The following RGS6 variants were observed in gnomAD, a reference collection of about 807,000 sequenced individuals.
The protein encoded by RGS6 is regulator of G-protein signaling 6.
RGS6 carries 30 observed loss-of-function variants against 78.5 expected under a neutral mutation model. The observed-to-expected ratio is 0.38, with a 90% CI of 0.29 to 0.52. The LOEUF is 0.52. RGS6 is among the 20% of genes least tolerant of loss of function. The pLI is 0.85. For synonymous variants in RGS6, 206 were observed against 206.0 expected, an observed-to-expected ratio of 1.00 and a Z score of 0.00; for missense variants, 495 against 609.7, an observed-to-expected ratio of 0.81 and a Z score of 1.98.
intron 3 of RGS6, among the ~76,000 whole-genome samples, chr14:72,360,994 A>G (rs2081335896): frequency 6.6e-6 from 1 of 151,826 alleles, no homozygotes; most frequent in Non-Finnish European, 1.5e-5. Context: ...GCCTGCTGCC[A>G]TTTAAGACAT....
intron 3 of RGS6, among the ~76,000 whole-genome samples, chr14:72,412,967 T>C (rs1323101828): frequency 2.0e-5 from 3 of 152,224 alleles, no homozygotes. Flanking sequence ...TTACATTTGC[T>C]GAGGAGTGCT....
Position 72,061,318 on chromosome 14 carries a change from G to T in RGS6, c.84+96443G>T, listed in dbSNP as rs193130386. ...TTGGTTGGGATTTTGTTGAGATAAG[G>T]GTCCGTGATTTGGCATACTCAGTGT... is the stretch of plus-strand genomic sequence containing the variant. On this transcript the variant is annotated intron_variant, in intron 2 of 17. Coordinates refer to ENST00000553525, the MANE Select transcript of RGS6 (RefSeq NM_001204424.2). Among the ~76,000 whole-genome samples, 4 of 152,092 alleles carry T rather than the reference G, an allele frequency of 2.6e-5. No homozygotes were observed. In the South Asian group the frequency reaches 8.3e-4, roughly 32 times the overall value.
chr14:72,494,338 A>C (rs552803342), intron 12 of RGS6, among the ~76,000 whole-genome samples: 7 of 152,302 alleles, frequency 4.6e-5, no homozygotes, highest in African/African-American at 1.7e-4. Flanking sequence ...GGAGTTGAGG[A>C]CTGGTGAATA....
At chr14:71,918,722 T>C in the RGS6 span, among the ~76,000 whole-genome samples, 1 of 152,222 alleles carries the variant, frequency 6.6e-6, no homozygotes, top group African/African-American at 2.4e-5. Context: ...GAAATAGTCT[T>C]CATCCCTGGT....
intron 2 of RGS6, among the ~76,000 whole-genome samples, chr14:72,147,342 A>G (rs928101300): frequency 1.3e-5 from 2 of 152,224 alleles, no homozygotes; most frequent in Non-Finnish European, 2.9e-5. Context: ...TGTTTATAAC[A>G]GAATACCAGA....
chr14:71,940,284 C>A (rs145185036), intron 1 of RGS6, among the ~76,000 whole-genome samples: 66 of 152,304 alleles, frequency 4.3e-4, no homozygotes, highest in African/African-American at 1.5e-3. Context: ...AGAGAAAGAT[C>A]TACTGCATAA....
intron 5 of RGS6, among the ~76,000 whole-genome samples, chr14:72,458,768 A>G (rs2095699852): frequency 6.6e-6 from 1 of 152,202 alleles, no homozygotes; most frequent in Admixed American, 6.5e-5. Context: ...GGCACCTTCT[A>G]GCTATATCCC....
In RGS6 at chr14:72,469,967, G is replaced by A. The variant is rs148401304; in HGVS notation, c.460-40G>A. 1.1e-4 allele frequency: 163 copies of A among 1,472,116 alleles called. 1 individual carries two copies. The African/African-American group carries it at 1.6e-3, about 14-fold the overall frequency. 91.2% of individuals were successfully genotyped at this position (1,472,116 alleles called of 1,614,324 possible). ...CATAGGTGTCGATGTGCTAATTTAC[G>A]ATGATTAATGCCGCCTTGTTGATTT... On this transcript the variant is annotated intron_variant, in intron 7 of 17. Coordinates refer to ENST00000553525, the MANE Select transcript of RGS6 (RefSeq NM_001204424.2).
chr14:71,938,628 C>T (rs1002219365), intron 1 of RGS6, among the ~76,000 whole-genome samples: 18 of 152,186 alleles, frequency 1.2e-4, no homozygotes, highest in African/African-American at 4.1e-4. Context: ...ACTTGAGCCA[C>T]TTCCTCATGT....
At chr14:71,877,969 G>C in the RGS6 span, among the ~76,000 whole-genome samples, 6 of 152,120 alleles carry the variant, frequency 3.9e-5, no homozygotes, top group African/African-American at 9.7e-5. Flanking sequence ...TATTTGCCTG[G>C]GTATCACCAG....
intron 3 of RGS6, among the ~76,000 whole-genome samples, chr14:72,407,384 C>G (rs1394308308): frequency 6.6e-6 from 1 of 152,152 alleles, no homozygotes; most frequent in African/African-American, 2.4e-5. Flanking sequence ...TCTGGATGTC[C>G]TATGGTATTG....
intron 2 of RGS6, among the ~76,000 whole-genome samples, chr14:72,154,727 G>T (rs1049965671): frequency 4.6e-5 from 7 of 152,214 alleles, no homozygotes; most frequent in Admixed American, 3.9e-4. Flanking sequence ...TGTTCCTTTA[G>T]CCTTCCTTAT....
intron 2 of RGS6, among the ~76,000 whole-genome samples, chr14:72,041,256 G>C (rs964277644): frequency 3.9e-5 from 6 of 152,024 alleles, no homozygotes; most frequent in African/African-American, 1.4e-4. Flanking sequence ...AGTCAGCCTG[G>C]CTAGAGATTC....
chr14:71,990,566 T>A (rs952449059), intron 2 of RGS6: 1 of 455,784 alleles, frequency 2.2e-6, no homozygotes, highest in Non-Finnish European at 4.4e-6. Context: ...GGATCATTCC[T>A]GGGCACATTT....
chr14:72,546,556 T>C (rs546888081), intron 17 of RGS6, among the ~76,000 whole-genome samples: 4 of 152,238 alleles, frequency 2.6e-5, no homozygotes, highest in African/African-American at 9.6e-5. Flanking sequence ...CAAAATGCTC[T>C]CCCCACGGAG....
At chr14:71,903,063 A>C in the RGS6 span, among the ~76,000 whole-genome samples, 6 of 152,238 alleles carry the variant, frequency 3.9e-5, no homozygotes, top group Non-Finnish European at 5.9e-5. Flanking sequence ...TGGCTTAGGT[A>C]TGGCAGGGTT....
chr14:72,286,376 C>T (rs1434739639), intron 2 of RGS6, among the ~76,000 whole-genome samples: 1 of 152,100 alleles, frequency 6.6e-6, no homozygotes, highest in Non-Finnish European at 1.5e-5. Flanking sequence ...ATATGTCTGT[C>T]TTTACGCCAG....
the RGS6 span, among the ~76,000 whole-genome samples, chr14:72,574,050 C>T: frequency 6.6e-6 from 1 of 152,164 alleles, no homozygotes; most frequent in African/African-American, 2.4e-5. Flanking sequence ...CGGAAGCATG[C>T]TATTAGCTAT....
chr14:71,979,129 T>C (rs1320569812), intron 2 of RGS6, among the ~76,000 whole-genome samples: 1 of 149,644 alleles, frequency 6.7e-6, no homozygotes, highest in Non-Finnish European at 1.5e-5. Flanking sequence ...TCATTTTTTA[T>C]TGTGTCTATT....
Sources: gnomAD v4.1 joint callset for allele counts (sites outside exome capture counted in the v4.1 genomes callset) on GRCh38, gnomAD v4.1.1 for gene constraint, MANE v1.5 for transcripts, NCBI Gene and HGNC (gene_info 2026-07-23, HGNC 2026-07-21) for gene names.